CTNNA2: variants seen among roughly 807,000 people sequenced by gnomAD.
CTNNA2 encodes catenin alpha-2.
Under a neutral mutation model 101.0 loss-of-function variants are expected in CTNNA2, and 42 were observed. The observed-to-expected ratio is 0.42, with a 90% confidence interval of 0.32 to 0.54. The LOEUF (loss-of-function observed/expected upper bound fraction) is 0.54, where lower values mean the gene tolerates loss of function less well. Ranked by LOEUF, CTNNA2 falls within the 20% of genes least tolerant of loss-of-function variation. CTNNA2 has a pLI of 0.14. For missense variants in CTNNA2, 871 were observed against 1,223.1 expected (o/e 0.71, Z 4.29); for synonymous variants, 450 against 456.4 (o/e 0.99, Z 0.18).
At chr2:80,594,199 G>C (rs996991022) in intron 15 of CTNNA2, among the ~76,000 whole-genome samples, 2 of 152,082 alleles carry the variant, frequency 1.3e-5, no homozygotes, top group African/African-American at 2.4e-5. Flanking sequence ...TGGATGTGAA[G>C]TGGTGTCTCA....
intron 7 of CTNNA2, among the ~76,000 whole-genome samples, chr2:80,189,133 T>C (rs113115286): frequency 5.9e-5 from 9 of 152,146 alleles, no homozygotes; most frequent in African/African-American, 2.2e-4. Context: ...TTTGTATTTT[T>C]AGTAGAGACG....
intron 9 of CTNNA2, among the ~76,000 whole-genome samples, chr2:80,509,650 G>A (rs1024450200): frequency 6.6e-6 from 1 of 152,126 alleles, no homozygotes; most frequent in African/African-American, 2.4e-5. Flanking sequence ...AATGAGAGAA[G>A]GAGGAACCCA....
intron 3 of CTNNA2, among the ~76,000 whole-genome samples, chr2:79,825,700 T>C (rs1472474848): frequency 6.6e-6 from 1 of 152,106 alleles, no homozygotes. Context: ...ACTGGAGATC[T>C]AAATTTAGGA....
At chr2:80,552,058 C>T (rs898607569) in intron 11 of CTNNA2, among the ~76,000 whole-genome samples, 7 of 152,152 alleles carry the variant, frequency 4.6e-5, no homozygotes, top group Middle Eastern at 3.4e-3. Context: ...AGATGGCAAA[C>T]GGCCGTCTTG....
chr2:79,847,230 A>T (rs1680301244), intron 3 of CTNNA2, among the ~76,000 whole-genome samples: 2 of 152,074 alleles, frequency 1.3e-5, no homozygotes, highest in Admixed American at 1.3e-4. Flanking sequence ...GACCAAATAG[A>T]AGAAAAAAAT....
chr2:80,197,453 A>G (rs1456603927), intron 7 of CTNNA2, among the ~76,000 whole-genome samples: 1 of 152,196 alleles, frequency 6.6e-6, no homozygotes, highest in Non-Finnish European at 1.5e-5. Flanking sequence ...AAATCCTTAC[A>G]GTCTCAATAT....
At chr2:79,317,519 A>G (rs1676524577) in intron 3 of CTNNA2, among the ~76,000 whole-genome samples, 1 of 151,980 alleles carries the variant, frequency 6.6e-6, no homozygotes, top group Admixed American at 6.6e-5. Flanking sequence ...CATACTAGTA[A>G]CTCGATAAAT....
chr2:79,859,626 A>T (rs199603364), intron 4 of CTNNA2, among the ~76,000 whole-genome samples: 6 of 148,050 alleles, frequency 4.1e-5, no homozygotes, highest in East Asian at 2.1e-4. Context: ...TTTTATTTTT[A>T]TTTTTATTTT....
At chr2:80,100,513 C>G (rs1226144138) in intron 7 of CTNNA2, among the ~76,000 whole-genome samples, 1 of 152,156 alleles carries the variant, frequency 6.6e-6, no homozygotes, top group African/African-American at 2.4e-5. Context: ...CAAGCATTTT[C>G]TATTTACTAT....
chr2:80,139,321 A>G lies in CTNNA2; in HGVS notation c.1056+229524A>G, dbSNP rs113435997. Reference sequence around the variant, plus strand: ...AAAAGCCACCTGATGAAAAATGACCATGGATTGGTATTTGCTTTTAATTAT... The same window carrying G: ...AAAAGCCACCTGATGAAAAATGACCGTGGATTGGTATTTGCTTTTAATTAT... On this transcript the variant is annotated intron_variant, in intron 7 of 18. Transcript: ENST00000402739. 1.0e-2 allele frequency among the ~76,000 whole-genome samples: 1,519 copies of G among 152,204 alleles called. 35 individuals carry two copies. Among genetic ancestry groups the G allele is most frequent in the African/African-American group, 0.033 (1,375 of 41,538 alleles).
At chr2:79,432,917 G>A (rs1449041397) in intron 4 of CTNNA2, among the ~76,000 whole-genome samples, 1 of 152,168 alleles carries the variant, frequency 6.6e-6, no homozygotes, top group Non-Finnish European at 1.5e-5. Context: ...CTCTAGCCAA[G>A]CCTAATTTGT....
At chr2:80,436,887 G>A (rs189332813) in intron 9 of CTNNA2, among the ~76,000 whole-genome samples, 96 of 152,256 alleles carry the variant, frequency 6.3e-4, no homozygotes, top group African/African-American at 1.7e-3. Context: ...ATTTCAATAT[G>A]TAAATTTTGG....
At chr2:80,601,405 TTTTCTTTC>T (rs201436020) in intron 15 of CTNNA2, among the ~76,000 whole-genome samples, 1 of 130,100 alleles carries the variant, frequency 7.7e-6, no homozygotes, top group Non-Finnish European at 1.6e-5. Context: ...TTAATGACTT[TTTTCTTTC>T]TTTCTTTCTT....
At chr2:79,203,595 A>G (rs1172599911) in intron 2 of CTNNA2, among the ~76,000 whole-genome samples, 3 of 152,270 alleles carry the variant, frequency 2.0e-5, no homozygotes, top group Admixed American at 2.0e-4. Flanking sequence ...CCCACTGCCC[A>G]GAAGCATGTA....
In CTNNA2 at chr2:79,796,394, C is replaced by CAAAAAAA. The variant is rs386390569; in HGVS notation, c.298+51824_298+51830dup. ...TAGGCGACAGAGCGAGACTCCGTCT[C>CAAAAAAA]AAAAAAAAAAAAAAAAAAGTGGCCT... is the stretch of plus-strand genomic sequence containing the variant. On this transcript the variant is annotated intron_variant, in intron 3 of 18. Coordinates refer to ENST00000402739, the MANE Select transcript of CTNNA2 (RefSeq NM_001282597.3). 2.7e-3 allele frequency among the ~76,000 whole-genome samples: 252 copies of CAAAAAAA among 94,712 alleles called. 7 individuals are homozygous for CAAAAAAA. The highest frequency in any genetic ancestry group is 8.0e-3 in the African/African-American group (226 of 28,152). The allele number at this position is 94,712 out of a possible 152,430, so 62.1% of individuals were successfully genotyped here. A position where few individuals can be genotyped will look rare whatever the true frequency, so the allele number is the denominator to read the frequency against.
chr2:80,244,360 T>A (rs1229467278), intron 7 of CTNNA2, among the ~76,000 whole-genome samples: 1 of 152,244 alleles, frequency 6.6e-6, no homozygotes, highest in Non-Finnish European at 1.5e-5. Context: ...CTGACCATAG[T>A]CATTTAGCCC....
At chr2:80,634,589 A>G (rs1282221919) in intron 18 of CTNNA2, among the ~76,000 whole-genome samples, 3 of 151,932 alleles carry the variant, frequency 2.0e-5, no homozygotes, top group South Asian at 2.1e-4. Flanking sequence ...TGTTGATAAG[A>G]TAAGTGATAT....
At chr2:80,157,986 G>A (rs1704084877) in intron 7 of CTNNA2, among the ~76,000 whole-genome samples, 1 of 152,068 alleles carries the variant, frequency 6.6e-6, no homozygotes, top group Non-Finnish European at 1.5e-5. Context: ...GTTTTTATTT[G>A]TATACTATAT....
chr2:80,198,647 A>G (rs1706999272), intron 7 of CTNNA2, among the ~76,000 whole-genome samples: 1 of 152,202 alleles, frequency 6.6e-6, no homozygotes, highest in African/African-American at 2.4e-5. Flanking sequence ...AAATGCCACA[A>G]GACAGAACAG....
Sources: gnomAD v4.1 joint callset for allele counts (sites outside exome capture counted in the v4.1 genomes callset) on GRCh38, gnomAD v4.1.1 for gene constraint, MANE v1.5 for transcripts, NCBI Gene and HGNC (gene_info 2026-07-23, HGNC 2026-07-21) for gene names.